DDB1: variants seen among roughly 807,000 people sequenced by gnomAD.
DDB1 encodes damage specific DNA binding protein 1.
In DDB1, 18 loss-of-function variants were observed where a neutral mutation model predicts 133.1. The observed-to-expected ratio is 0.14, with a 90% CI of 0.09 to 0.20. The LOEUF (loss-of-function observed/expected upper bound fraction) is 0.20. Among genes scored for constraint, DDB1 ranks in the 10% least tolerant of loss-of-function variants. DDB1 has a pLI of 1.00. For missense variants in DDB1, 828 were observed against 1,459.2 expected (o/e 0.57, Z 7.05); for synonymous variants, 580 against 550.5 (o/e 1.05, Z -0.75).
At chr11:61,316,946 GATATATATATATATATAT>G (rs58564398) in intron 10 of DDB1, among the ~76,000 whole-genome samples, 630 of 29,048 alleles carry the variant, frequency 0.022, 44 homozygotes, top group East Asian at 0.037. Context: ...AAAAAGGATA[GATATATATATATATATAT>G]ATATATATAT....
At chr11:61,310,196 C>A in intron 19 of DDB1, 99 bp downstream of exon 19, 1 of 1,512,144 alleles carries the variant, frequency 6.6e-7, no homozygotes, top group Non-Finnish European at 8.9e-7. Flanking sequence ...CCTCCTAGGA[C>A]AGTCTGCCAC....
chr11:61,325,903 T>C lies in DDB1; in HGVS notation c.665-195A>G. Reference sequence around the variant, plus strand: ...TTGTTAACTGGCCATTATCTAATCCTGGTAGTATTTTTACTGCCACTCTTC... The same window carrying C: ...TTGTTAACTGGCCATTATCTAATCCCGGTAGTATTTTTACTGCCACTCTTC... On this transcript the variant is annotated intron_variant, in intron 5 of 26. Transcript: ENST00000301764. The C allele has an allele frequency of 9.2e-6, 6 of 650,880 alleles. No individual in the cohort carries two copies. The South Asian group carries it at 1.0e-4, about 11-fold the overall frequency. 40.3% of individuals were successfully genotyped at this position (650,880 alleles called of 1,614,324 possible).
chr11:61,323,998 C>T lies in DDB1; in HGVS notation c.902G>A (p.Arg301His). 1 of 1,613,488 alleles carries T rather than the reference C, an allele frequency of 6.2e-7. No homozygotes were observed. The highest frequency in any genetic ancestry group is 8.5e-7 in the Non-Finnish European group (1 of 1,179,762). The stretch of plus-strand genomic sequence containing the variant: ...CTCTACCTCTCCAAGGAGTTCTACA[C>T]GGAGATCCTTGAGAGTGACGGTGCC... ...MDGTVTLKDL[R>H]VELLGETSIA... Residue 301 changes from arginine to histidine, a missense_variant, in exon 7 of 27, where the codon CGT becomes CAT. Physicochemically the swap from Arg to His is conservative, Grantham distance 29. Coordinates refer to ENST00000301764, the MANE Select transcript of DDB1 (RefSeq NM_001923.5).
chr11:61,308,880 C>T lies in DDB1; in HGVS notation c.2661+103G>A, dbSNP rs1855916130. On this transcript the variant is annotated intron_variant, in intron 21 of 26. Coordinates refer to ENST00000301764, the MANE Select transcript of DDB1 (RefSeq NM_001923.5). ...CCTCCACACCCGCTACTTTGTTCTC[C>T]TTCAGATCTGACACACACGTGGCCC... is the stretch of plus-strand genomic sequence containing the variant. 5 of 1,147,072 alleles carry T rather than the reference C, an allele frequency of 4.4e-6. No homozygotes were observed. In the East Asian group the frequency reaches 1.2e-4, roughly 27 times the overall value. 71.1% of individuals were successfully genotyped at this position (1,147,072 alleles called of 1,614,324 possible). A position where few individuals can be genotyped will look rare whatever the true frequency, so the allele number is the denominator to read the frequency against.
chr11:61,304,844 C>T (rs1395586052), intron 21 of DDB1, among the ~76,000 whole-genome samples: 1 of 149,996 alleles, frequency 6.7e-6, no homozygotes, highest in Non-Finnish European at 1.5e-5. Context: ...GGCCACTGCA[C>T]TCCAGCCTGG....
intron 10 of DDB1, among the ~76,000 whole-genome samples, chr11:61,319,646 G>A (rs1856145201): frequency 6.6e-6 from 1 of 152,120 alleles, no homozygotes; most frequent in African/African-American, 2.4e-5. Flanking sequence ...TGGCCAGGAT[G>A]ATCTCGATCT....
chr11:61,321,408 T>A, intron 10 of DDB1, 187 bp downstream of exon 10: 3 of 355,350 alleles, frequency 8.4e-6, no homozygotes. Context: ...AGTATTTTCT[T>A]TTTTTTTTTT....
At chr11:61,308,154 T>C (rs1228414376) in intron 21 of DDB1, among the ~76,000 whole-genome samples, 1 of 152,220 alleles carries the variant, frequency 6.6e-6, no homozygotes, top group East Asian at 1.9e-4. Flanking sequence ...TACCAGGCTC[T>C]GCACGTTCTG....
intron 10 of DDB1, among the ~76,000 whole-genome samples, chr11:61,318,496 G>A (rs1239445105): frequency 1.3e-5 from 2 of 152,134 alleles, no homozygotes; most frequent in Non-Finnish European, 2.9e-5. Context: ...GCTGTTTGGT[G>A]TTAATGTGCA....
At chr11:61,302,794 C>T in intron 23 of DDB1, 43 bp from the exon 24 acceptor site, 2 of 1,611,612 alleles carry the variant, frequency 1.2e-6, no homozygotes, top group Non-Finnish European at 1.7e-6. Flanking sequence ...CTCCTGTTTC[C>T]ACCACAGGCC....
At chr11:61,302,176 T>C (rs1565238032) in intron 25 of DDB1, 81 bp downstream of exon 25, 1 of 1,219,978 alleles carries the variant, frequency 8.2e-7, no homozygotes, top group East Asian at 2.3e-5. Flanking sequence ...AGACATGTAG[T>C]AGCTTCCGGG....
intron 21 of DDB1, among the ~76,000 whole-genome samples, chr11:61,305,460 C>T (rs1248929618): frequency 6.6e-6 from 1 of 152,178 alleles, no homozygotes; most frequent in Admixed American, 6.5e-5. Context: ...TGAGCCAAGA[C>T]TGCGCCATTG....
chr11:61,316,531 G>A lies in DDB1; in HGVS notation c.1262C>T (p.Thr421Ile). Residue 421 changes from threonine (T) to isoleucine (I), a missense_variant, in exon 11 of 27, where the codon ACT becomes ATT. By Grantham distance (89) the Thr-to-Ile change is moderately conservative. Around this residue, in one of 7 missense-constraint regions of DDB1, gnomAD observed 396 missense variants for 554.1 expected, o/e 0.71. Transcript: ENST00000301764. ...AAAAGAGAGCACCAAAGTGTCATCA[G>A]TCTCACGATTAGGGTCAGACCGCAG... The part of the protein sequence containing the change: ...WPLRSDPNRE[T>I]DDTLVLSFVG... 6.2e-7 allele frequency: 1 copy of A among 1,614,150 alleles called. No homozygotes were observed. The highest frequency in any genetic ancestry group is 8.5e-7 in the Non-Finnish European group (1 of 1,180,044).
intron 15 of DDB1, 33 bp downstream of exon 15, chr11:61,313,829 G>GA (rs1590687855): frequency 1.9e-6 from 3 of 1,609,424 alleles, no homozygotes; most frequent in Non-Finnish European, 2.5e-6. Flanking sequence ...CTCTATTTTT[G>GA]AAAGAGTCCC....
chr11:61,325,748 G>C, intron 5 of DDB1, 40 bp from the exon 6 acceptor site: 1 of 1,528,370 alleles, frequency 6.5e-7, no homozygotes. Context: ...TCAGCACTCT[G>C]GGTCTGCCAA....
At chr11:61,325,844 G>A (rs1590698312) in intron 5 of DDB1, 136 bp from the exon 6 acceptor site, 1 of 731,426 alleles carries the variant, frequency 1.4e-6, no homozygotes, top group East Asian at 2.7e-5. Flanking sequence ...TCAAAGCCCA[G>A]GGAACATGAT....
At chr11:61,307,078 C>A (rs369760258) in intron 21 of DDB1, among the ~76,000 whole-genome samples, 1 of 152,338 alleles carries the variant, frequency 6.6e-6, no homozygotes, top group East Asian at 1.9e-4. Context: ...CTCTGTCACT[C>A]GGTTTGAGAT....
rs1028921488 is a variant in DDB1 at position 61,325,692 on chromosome 11, C to G, written c.681G>C (p.Gly227=). The change falls in exon 6 of 27, where the codon GGG becomes GGC. Residue 227 remains glycine, a synonymous_variant. Coordinates refer to ENST00000301764, the MANE Select transcript of DDB1 (RefSeq NM_001923.5). ...SMVIAVPEPF[G]GAIIIGQESI... The stretch of plus-strand genomic sequence containing the variant: ...ACTCCTGTCCAATGATGATGGCCCC[C>G]CCAAAGGGCTCTGGGACTGCAGGAA... 5 of 1,612,886 alleles carry G rather than the reference C, an allele frequency of 3.1e-6. No individual in the cohort carries two copies. The highest frequency in any genetic ancestry group is 3.3e-5 in the Admixed American group (2 of 59,874).
At chr11:61,302,177 A>C in intron 25 of DDB1, 80 bp downstream of exon 25, 6 of 1,225,328 alleles carry the variant, frequency 4.9e-6, no homozygotes, top group Non-Finnish European at 7.2e-6. Context: ...GACATGTAGT[A>C]GCTTCCGGGT....
Sources: gnomAD v4.1 joint callset for allele counts (sites outside exome capture counted in the v4.1 genomes callset) on GRCh38, gnomAD v4.1.1 for gene constraint, gnomAD v4.1.1 regional missense constraint, MANE v1.5 for transcripts, NCBI Gene and HGNC (gene_info 2026-07-23, HGNC 2026-07-21) for gene names.